The following TMEM65 variants were observed in gnomAD, a reference collection of about 807,000 sequenced individuals.
TMEM65 encodes the protein transmembrane protein 65.
TMEM65 carries 22 observed loss-of-function variants against 25.4 expected under a neutral mutation model. The observed-to-expected ratio is 0.86, with a 90% CI of 0.62 to 1.23. The LOEUF (loss-of-function observed/expected upper bound fraction) is 1.23. Among genes scored for constraint, TMEM65 ranks in the 50% most tolerant of loss-of-function variants. The pLI is 0.00. For synonymous variants in TMEM65, 132 were observed against 126.2 expected, an observed-to-expected ratio of 1.05 and a Z score of -0.31; for missense variants, 262 against 308.2, an observed-to-expected ratio of 0.85 and a Z score of 1.12.
intron 2 of TMEM65, among the ~76,000 whole-genome samples, chr8:124,327,920 TAG>T (rs933754213): frequency 2.0e-5 from 3 of 152,128 alleles, no homozygotes; most frequent in South Asian, 4.1e-4. Flanking sequence ...AAAGAAATGT[TAG>T]AAAAAGGTGA....
chr8:124,366,397 C>T (rs1413235914), intron 1 of TMEM65, among the ~76,000 whole-genome samples: 1 of 152,180 alleles, frequency 6.6e-6, no homozygotes, highest in East Asian at 1.9e-4. Flanking sequence ...CTCCAGCCAT[C>T]CACCAAAGTA....
At chr8:124,352,925 G>C (rs1814730612) in intron 1 of TMEM65, among the ~76,000 whole-genome samples, 2 of 152,234 alleles carry the variant, frequency 1.3e-5, no homozygotes, top group South Asian at 2.1e-4. Context: ...TCAGGAGTTT[G>C]AGACCAGCCT....
chr8:124,346,331 GAC>G (rs1480340339), intron 1 of TMEM65, among the ~76,000 whole-genome samples: 2 of 152,092 alleles, frequency 1.3e-5, no homozygotes, highest in Non-Finnish European at 2.9e-5. Context: ...TTTGAGTGGG[GAC>G]ACAGAGTGAA....
At position 124,354,003 on chromosome 8, in the gene TMEM65, G is replaced by C. The variant is rs79804754; in HGVS notation, c.304+17851C>G. On this transcript the variant is annotated intron_variant, in intron 1 of 6. Transcript: ENST00000297632. ...TCACCAAGGACAAATTGAAATCATG[G>C]GCCAAATGATAGGATGAAAAAGAAT... Among the ~76,000 whole-genome samples, 1,036 of 152,062 alleles carry C rather than the reference G, an allele frequency of 6.8e-3. 9 individuals are homozygous for C. Among genetic ancestry groups the C allele is most frequent in the African/African-American group, 0.022 (917 of 41,470 alleles).
At chr8:124,335,266 T>C (rs758030110) in intron 1 of TMEM65, among the ~76,000 whole-genome samples, 2 of 152,152 alleles carry the variant, frequency 1.3e-5, no homozygotes, top group Non-Finnish European at 2.9e-5. Context: ...CAAAAATGTA[T>C]CCTTTAAGAA....
At position 124,313,868 on chromosome 8, in the gene TMEM65, A is replaced by T; in HGVS notation, c.*92T>A. 1.2e-6 allele frequency: 1 copy of T among 835,666 alleles called. No individual in the cohort carries two copies. Among genetic ancestry groups the T allele is most frequent in the South Asian group, 1.6e-5 (1 of 62,398 alleles). 51.8% of individuals were successfully genotyped at this position (835,666 alleles called of 1,614,324 possible). ...CTAAATTATTTGATCCCATATCTAT[A>T]CTGTTACTGTCTTAATTCCTAAATG... is the stretch of plus-strand genomic sequence containing the variant. On this transcript the variant is annotated 3_prime_UTR_variant, in exon 7 of 7. Transcript: ENST00000297632.
intron 1 of TMEM65, among the ~76,000 whole-genome samples, chr8:124,361,828 T>A (rs550374158): frequency 2.5e-4 from 38 of 151,636 alleles, no homozygotes; most frequent in Admixed American, 2.2e-3. Context: ...AGAGCAAAAC[T>A]CCATCTCAAA....
chr8:124,328,021 A>C (rs1814388490), intron 2 of TMEM65, among the ~76,000 whole-genome samples: 1 of 152,090 alleles, frequency 6.6e-6, no homozygotes, highest in Non-Finnish European at 1.5e-5. Flanking sequence ...CAAACTATAA[A>C]CAATCAATAT....
intron 2 of TMEM65, among the ~76,000 whole-genome samples, chr8:124,328,402 T>TAAA (rs11355050): frequency 7.1e-6 from 1 of 141,250 alleles, no homozygotes; most frequent in African/African-American, 2.6e-5. Flanking sequence ...GACTCCATCT[T>TAAA]AAAAAAAAAA....
At chr8:124,344,825 A>T (rs754617685) in intron 1 of TMEM65, among the ~76,000 whole-genome samples, 2 of 152,178 alleles carry the variant, frequency 1.3e-5, no homozygotes, top group Non-Finnish European at 2.9e-5. Context: ...GTATAGCCAT[A>T]CAATATATAT....
chr8:124,333,641 C>A (rs546798661), intron 1 of TMEM65, among the ~76,000 whole-genome samples: 7 of 152,300 alleles, frequency 4.6e-5, no homozygotes, highest in African/African-American at 1.4e-4. Context: ...CAGAGGAATT[C>A]TCCTGCATGG....
intron 1 of TMEM65, among the ~76,000 whole-genome samples, chr8:124,341,518 A>G (rs959089566): frequency 1.3e-5 from 2 of 151,994 alleles, no homozygotes; most frequent in Non-Finnish European, 2.9e-5. Context: ...GTTTTTCTTT[A>G]CCTTTTAGGT....
intron 1 of TMEM65, among the ~76,000 whole-genome samples, chr8:124,362,449 G>A (rs999698817): frequency 2.0e-5 from 3 of 151,822 alleles, no homozygotes; most frequent in African/African-American, 7.3e-5. Flanking sequence ...TTCACTTGAG[G>A]TCAGGAGTTC....
At chr8:124,336,705 ATACT>A (rs574127244) in intron 1 of TMEM65, among the ~76,000 whole-genome samples, 4 of 151,992 alleles carry the variant, frequency 2.6e-5, no homozygotes, top group Admixed American at 6.5e-5. Flanking sequence ...ACAGTTTGAA[ATACT>A]TACATTAAAA....
chr8:124,337,145 GCACACACACA>G (rs1192708890), intron 1 of TMEM65, among the ~76,000 whole-genome samples: 1 of 126,916 alleles, frequency 7.9e-6, no homozygotes, highest in Non-Finnish European at 1.7e-5. Context: ...ACACACACAC[GCACACACACA>G]CACCCCTTCC....
intron 4 of TMEM65, 133 bp from the exon 5 acceptor site, chr8:124,322,280 T>C (rs1054255758): frequency 1.7e-5 from 10 of 593,564 alleles, no homozygotes; most frequent in East Asian, 6.3e-5. Context: ...AAGTAACTCA[T>C]TGGACAGCTC....
intron 1 of TMEM65, among the ~76,000 whole-genome samples, chr8:124,363,980 C>A (rs28594441): frequency 2.0e-5 from 3 of 151,022 alleles, no homozygotes; most frequent in Non-Finnish European, 4.4e-5. Flanking sequence ...TTTTGTTGTG[C>A]AACCATAGCC....
chr8:124,309,444 T>C lies in TMEM65; in HGVS notation c.*4516A>G, dbSNP rs1814130098. 1 of 152,252 alleles carries C rather than the reference T, an allele frequency of 6.6e-6. No individual in the cohort carries two copies. The highest frequency in any genetic ancestry group is 2.4e-5 in the African/African-American group (1 of 41,472). The allele number at this position is 152,252 out of a possible 1,614,324, so 9.4% of individuals were successfully genotyped here. A position where few individuals can be genotyped will look rare whatever the true frequency, so the allele number is the denominator to read the frequency against. ...TGTCAGTAAACATGCAAGAAGTAAG[T>C]ATTAATCTTAATATTTAACTGTTAC... is the stretch of plus-strand genomic sequence containing the variant. On this transcript the variant is annotated 3_prime_UTR_variant, in exon 7 of 7. Transcript: ENST00000297632.
chr8:124,346,066 T>A (rs1814637253), intron 1 of TMEM65, among the ~76,000 whole-genome samples: 3 of 152,178 alleles, frequency 2.0e-5, no homozygotes, highest in Admixed American at 6.5e-5. Flanking sequence ...TTTAATTGAC[T>A]TGCAGTTCCG....
Sources: allele counts gnomAD v4.1 joint callset (sites outside exome capture counted in the v4.1 genomes callset), GRCh38; gene constraint gnomAD v4.1.1; transcripts MANE v1.5; gene names NCBI Gene and HGNC (gene_info 2026-07-23, HGNC 2026-07-21).